Variants in TLR6 observed in about 807,000 individuals in gnomAD.
TLR6 encodes the protein toll-like receptor 6.
In TLR6, 9 loss-of-function variants were observed where a neutral mutation model predicts 16.1. The ratio of observed to expected loss-of-function variants is 0.56; its 90% CI spans 0.34 to 0.98. The LOEUF (loss-of-function observed/expected upper bound fraction) is 0.98. TLR6 is among the 50% of genes least tolerant of loss of function. The pLI, the probability that TLR6 is intolerant of heterozygous loss-of-function variation, is 0.02. For missense variants in TLR6, 786 were observed against 921.0 expected (o/e 0.85, Z 1.90); for synonymous variants, 340 against 338.6 (o/e 1.00, Z -0.04).
chr4:38,828,433 C>T, exon 2 of TLR6: 1 of 1,614,112 alleles, frequency 6.2e-7, no homozygotes, highest in Non-Finnish European at 8.5e-7. Context: ...CATGAGGACA[C>T]AGCATGTGTA....
upstream of TLR6, among the ~76,000 whole-genome samples, chr4:38,860,124 G>T (rs953234999): frequency 6.6e-6 from 1 of 152,100 alleles, no homozygotes; most frequent in Non-Finnish European, 1.5e-5. Flanking sequence ...CAGCTTTAAA[G>T]TAAGTTTTGT....
chr4:38,836,614 A>G (rs1214540892), intron 1 of TLR6, among the ~76,000 whole-genome samples: 1 of 152,202 alleles, frequency 6.6e-6, no homozygotes, highest in African/African-American at 2.4e-5. Context: ...CTCCTAACTC[A>G]TTCTACAAAG....
intron 1 of TLR6, among the ~76,000 whole-genome samples, chr4:38,855,110 G>A (rs914338110): frequency 2.6e-4 from 40 of 152,014 alleles, no homozygotes; most frequent in African/African-American, 8.4e-4. Flanking sequence ...TACTCGGGAG[G>A]CTGAGGCAGG....
chr4:38,834,908 G>A (rs893185738), intron 1 of TLR6, among the ~76,000 whole-genome samples: 3 of 152,182 alleles, frequency 2.0e-5, no homozygotes, highest in South Asian at 2.1e-4. Flanking sequence ...ACGTCTGGAC[G>A]TGAAAAGATT....
intron 1 of TLR6, among the ~76,000 whole-genome samples, chr4:38,855,586 T>A (rs1712949586): frequency 6.6e-6 from 1 of 152,210 alleles, no homozygotes; most frequent in Admixed American, 6.5e-5. Context: ...CATTCACAGA[T>A]GAGGACCTAC....
the TLR6 span, chr4:38,868,043 G>A: frequency 2.3e-6 from 1 of 426,000 alleles, no homozygotes; most frequent in Non-Finnish European, 4.8e-6. Flanking sequence ...GGACCTGCGT[G>A]GGTGCGGGCG....
upstream of TLR6, among the ~76,000 whole-genome samples, chr4:38,861,698 T>A (rs1309067081): frequency 6.6e-6 from 1 of 152,140 alleles, no homozygotes; most frequent in East Asian, 1.9e-4. Context: ...CTACCCTCCT[T>A]ACTACCCTTC....
chr4:38,838,588 G>C (rs1258543976), intron 1 of TLR6, among the ~76,000 whole-genome samples: 1 of 152,178 alleles, frequency 6.6e-6, no homozygotes, highest in Non-Finnish European at 1.5e-5. Context: ...CAGAGACTAA[G>C]AGGTGAGTGA....
intron 1 of TLR6, among the ~76,000 whole-genome samples, chr4:38,840,174 T>C (rs568529829): frequency 6.6e-6 from 1 of 152,228 alleles, no homozygotes; most frequent in Non-Finnish European, 1.5e-5. Flanking sequence ...GGCCACATAA[T>C]GTGGCAATGA....
chr4:38,825,657 C>T (rs1253507462), exon 2 of TLR6: 1 of 152,534 alleles, frequency 6.6e-6, no homozygotes, highest in Non-Finnish European at 1.5e-5. Flanking sequence ...CTTGCAGCAA[C>T]CTCCACCCCA....
At chr4:38,844,851 C>G (rs914535440) in intron 1 of TLR6, among the ~76,000 whole-genome samples, 1 of 151,972 alleles carries the variant, frequency 6.6e-6, no homozygotes, top group Non-Finnish European at 1.5e-5. Flanking sequence ...GTAAGGAGTT[C>G]GAGACCAGCC....
chr4:38,823,629 T>C (rs1727408797), downstream of TLR6: 1 of 152,246 alleles, frequency 6.6e-6, no homozygotes, highest in South Asian at 2.1e-4. Flanking sequence ...AGTGCAAACA[T>C]GGATGGAGGA....
intron 1 of TLR6, among the ~76,000 whole-genome samples, chr4:38,837,408 C>G (rs1424438887): frequency 2.6e-5 from 4 of 152,036 alleles, no homozygotes; most frequent in Admixed American, 2.6e-4. Context: ...AATACAGAAC[C>G]CAGAAATTAA....
chr4:38,866,363 C>T, the TLR6 span, among the ~76,000 whole-genome samples: 4 of 151,334 alleles, frequency 2.6e-5, no homozygotes, highest in African/African-American at 4.9e-5. Flanking sequence ...TGTGGTGGCA[C>T]GCACCTGTAA....
chr4:38,856,909 C>A (rs1227626594), upstream of TLR6: 2 of 152,230 alleles, frequency 1.3e-5, no homozygotes, highest in Non-Finnish European at 2.9e-5. Context: ...ACTGGAATTA[C>A]TCCTACGTAT....
chr4:38,863,649 C>T, the TLR6 span, among the ~76,000 whole-genome samples: 8 of 152,158 alleles, frequency 5.3e-5, no homozygotes, highest in African/African-American at 1.9e-4. Context: ...ACTCTACATT[C>T]AATCTATAGG....
chr4:38,848,373 C>G (rs777496969), intron 1 of TLR6, among the ~76,000 whole-genome samples: 12 of 152,350 alleles, frequency 7.9e-5, no homozygotes, highest in Non-Finnish European at 1.8e-4. Flanking sequence ...AAAATCAGAG[C>G]ACCTCTCCCA....
intron 1 of TLR6, among the ~76,000 whole-genome samples, chr4:38,848,255 A>G (rs1442326344): frequency 6.6e-6 from 1 of 152,236 alleles, no homozygotes; most frequent in Non-Finnish European, 1.5e-5. Flanking sequence ...ACAAACAGAA[A>G]GGACATCCAC....
At chr4:38,841,945 T>C (rs1186865102) in intron 1 of TLR6, among the ~76,000 whole-genome samples, 1 of 152,266 alleles carries the variant, frequency 6.6e-6, no homozygotes, top group Non-Finnish European at 1.5e-5. Context: ...GTTTCTCAAA[T>C]AAATCGCCTT....
Sources: allele counts gnomAD v4.1 joint callset (sites outside exome capture counted in the v4.1 genomes callset), GRCh38; gene constraint gnomAD v4.1.1; transcripts MANE v1.5; gene names NCBI Gene and HGNC (gene_info 2026-07-23, HGNC 2026-07-21).